EDIL3: variants seen among roughly 807,000 people sequenced by gnomAD.
The protein encoded by EDIL3 is EGF-like repeat and discoidin I-like domain-containing protein 3.
Under a neutral mutation model 67.4 loss-of-function variants are expected in EDIL3, and 37 were observed. The observed-to-expected ratio is 0.55, with a 90% CI of 0.42 to 0.72. The LOEUF (loss-of-function observed/expected upper bound fraction) is 0.72, where lower values mean the gene tolerates loss of function less well. Ranked by LOEUF, EDIL3 falls within the 30% of genes least tolerant of loss-of-function variation. EDIL3 has a pLI of 0.00. For synonymous variants in EDIL3, 195 were observed against 196.3 expected, an observed-to-expected ratio of 0.99 and a Z score of 0.05; for missense variants, 527 against 586.3, an observed-to-expected ratio of 0.90 and a Z score of 1.04.
intron 10 of EDIL3, among the ~76,000 whole-genome samples, chr5:83,951,564 G>A (rs1469781655): frequency 6.6e-6 from 1 of 151,340 alleles, no homozygotes; most frequent in Non-Finnish European, 1.5e-5. Flanking sequence ...AGGCAAAGGT[G>A]TTTTTTTCCC....
At chr5:84,137,169 G>GTA in intron 5 of EDIL3, 72 bp downstream of exon 5, 1 of 981,154 alleles carries the variant, frequency 1.0e-6, no homozygotes, top group African/African-American at 1.8e-5. Flanking sequence ...ATACATATAT[G>GTA]TGTGTGTGTA....
At chr5:83,964,776 CTATT>C (rs1319696406) in intron 9 of EDIL3, among the ~76,000 whole-genome samples, 1 of 151,974 alleles carries the variant, frequency 6.6e-6, no homozygotes, top group African/African-American at 2.4e-5. Context: ...CTTTAATGCT[CTATT>C]TAAACATTTT....
chr5:84,294,161 A>C (rs1745988210), intron 1 of EDIL3, among the ~76,000 whole-genome samples: 1 of 150,496 alleles, frequency 6.6e-6, no homozygotes, highest in Non-Finnish European at 1.5e-5. Flanking sequence ...AGACGGGTGG[A>C]TCACGAGGTC....
chr5:84,237,775 A>T (rs538263325), intron 2 of EDIL3, among the ~76,000 whole-genome samples: 86 of 152,224 alleles, frequency 5.6e-4, no homozygotes, highest in Admixed American at 1.1e-3. Context: ...CCTATTTTTT[A>T]AAAAAAGGAC....
intron 6 of EDIL3, among the ~76,000 whole-genome samples, chr5:84,069,722 C>A (rs780672552): frequency 1.3e-4 from 20 of 152,034 alleles, no homozygotes; most frequent in Non-Finnish European, 2.1e-4. Flanking sequence ...AGGGCAGGGA[C>A]CCTGGCGAGC....
chr5:84,384,329 C>A lies in EDIL3; in HGVS notation c.46G>T (p.Gly16Cys). 1.2e-6 allele frequency: 2 copies of A among 1,611,812 alleles called. No individual in the cohort carries two copies. Among genetic ancestry groups the A allele is most frequent in the Middle Eastern group, 1.7e-4 (1 of 6,058 alleles). The change falls in exon 1 of 11, where the codon GGT (glycine) becomes TGT (cysteine). Residue 16 changes from glycine to cysteine, a missense_variant. Coordinates refer to ENST00000296591, the MANE Select transcript of EDIL3 (RefSeq NM_005711.5). ...AVWLLVGLSL[G>C]VPQFGKGDIC... ...TTACCTTTGCCGAACTGGGGGACAC[C>A]GAGGCTGAGCCCGACCAAGAGCCAG... is the stretch of plus-strand genomic sequence containing the variant.
chr5:84,051,891 T>C (rs1370139409), intron 9 of EDIL3, among the ~76,000 whole-genome samples: 1 of 152,200 alleles, frequency 6.6e-6, no homozygotes, highest in African/African-American at 2.4e-5. Flanking sequence ...GTCTGCAGGA[T>C]ATCATCCAGG....
At chr5:84,057,189 A>G (rs1365920774) in intron 9 of EDIL3, among the ~76,000 whole-genome samples, 1 of 152,188 alleles carries the variant, frequency 6.6e-6, no homozygotes, top group Non-Finnish European at 1.5e-5. Flanking sequence ...TATGAACACA[A>G]TGAATCAATT....
At position 84,229,886 on chromosome 5, in the gene EDIL3, T is replaced by G; in HGVS notation, c.197-2A>C. 2.5e-6 allele frequency: 4 copies of G among 1,596,858 alleles called. No homozygotes were observed. Among genetic ancestry groups the G allele is most frequent in the Non-Finnish European group, 3.4e-6 (4 of 1,171,432 alleles). On this transcript the variant is annotated splice_acceptor_variant, in intron 2 of 10. Transcript: ENST00000296591. LOFTEE classifies it high-confidence loss of function. ...AAGTTGGTTCTTCTTCATCTGATGC[T>G]ATGATAAGAGGAAAAGGTGAAATGG...
intron 9 of EDIL3, among the ~76,000 whole-genome samples, chr5:84,028,087 C>A (rs1745849197): frequency 6.6e-6 from 1 of 152,104 alleles, no homozygotes; most frequent in African/African-American, 2.4e-5. Flanking sequence ...TTTTTGGTGA[C>A]TGCATTGTGA....
intron 1 of EDIL3, among the ~76,000 whole-genome samples, chr5:84,378,939 A>T (rs1748024560): frequency 6.6e-6 from 1 of 152,212 alleles, no homozygotes; most frequent in East Asian, 1.9e-4. Context: ...AAAGGTTTGC[A>T]ATCTTTTAAT....
At chr5:84,279,589 A>C (rs2112105447) in intron 1 of EDIL3, among the ~76,000 whole-genome samples, 1 of 152,330 alleles carries the variant, frequency 6.6e-6, no homozygotes, top group Non-Finnish European at 1.5e-5. Flanking sequence ...TTTGAATAAT[A>C]ATACTTTGCT....
At chr5:84,016,429 A>G (rs1244833691) in intron 9 of EDIL3, among the ~76,000 whole-genome samples, 1 of 152,132 alleles carries the variant, frequency 6.6e-6, no homozygotes, top group Non-Finnish European at 1.5e-5. Context: ...CTAAATTCAT[A>G]TTCCCTATTG....
chr5:84,110,831 A>G (rs1747550486), intron 5 of EDIL3, among the ~76,000 whole-genome samples: 1 of 152,222 alleles, frequency 6.6e-6, no homozygotes, highest in South Asian at 2.1e-4. Flanking sequence ...TGGAATGAAC[A>G]TACAAGATAT....
intron 3 of EDIL3, among the ~76,000 whole-genome samples, chr5:84,221,063 ATCTATAT>A (rs2112400204): frequency 6.6e-6 from 1 of 152,294 alleles, no homozygotes; most frequent in East Asian, 1.9e-4. Flanking sequence ...ATGATATTTA[ATCTATAT>A]TAAATTGAAT....
At chr5:84,027,600 T>C (rs1440111234) in intron 9 of EDIL3, among the ~76,000 whole-genome samples, 1 of 133,992 alleles carries the variant, frequency 7.5e-6, no homozygotes, top group Admixed American at 7.5e-5. Context: ...TCTTATGAGA[T>C]AGCCTTGAAA....
Position 84,330,976 on chromosome 5 carries a change from T to C in EDIL3, c.67+53332A>G, listed in dbSNP as rs533701760. On this transcript the variant is annotated intron_variant, in intron 1 of 10. Transcript: ENST00000296591. ...ATCAATGTGACCTGGATGTGAGACA[T>C]GGAGTCAAAGAAGATCATTTTGGAA... 2.8e-4 allele frequency among the ~76,000 whole-genome samples: 42 copies of C among 152,316 alleles called. No individual in the cohort carries two copies. In the South Asian group the frequency reaches 7.9e-3, roughly 29 times the overall value.
intron 6 of EDIL3, among the ~76,000 whole-genome samples, chr5:84,084,688 G>T: frequency 6.6e-6 from 1 of 152,104 alleles, no homozygotes; most frequent in Non-Finnish European, 1.5e-5. Flanking sequence ...TATGCTAGAT[G>T]CATGGAAATC....
chr5:84,048,669 T>C (rs2301089), intron 9 of EDIL3, among the ~76,000 whole-genome samples: 78 of 151,990 alleles, frequency 5.1e-4, no homozygotes, highest in African/African-American at 1.8e-3. Context: ...TTATGAAATC[T>C]GAAAAACGTT....
Sources: allele counts gnomAD v4.1 joint callset (sites outside exome capture counted in the v4.1 genomes callset), GRCh38; gene constraint gnomAD v4.1.1; transcripts MANE v1.5; gene names NCBI Gene and HGNC (gene_info 2026-07-23, HGNC 2026-07-21).